The following ARHGAP20 variants were observed in gnomAD, a reference collection of about 807,000 sequenced individuals.
The protein encoded by ARHGAP20 is rho GTPase-activating protein 20.
In ARHGAP20, 34 loss-of-function variants were observed where a neutral mutation model predicts 73.7. The ratio of observed to expected loss-of-function variants is 0.46; its 90% CI spans 0.35 to 0.61. ARHGAP20 has a LOEUF of 0.61. Among genes scored for constraint, ARHGAP20 ranks in the 20% least tolerant of loss-of-function variants. ARHGAP20 has a pLI of 0.00. For missense variants in ARHGAP20, 1,314 were observed against 1,420.9 expected (o/e 0.92, Z 1.21); for synonymous variants, 523 against 518.2 (o/e 1.01, Z -0.13).
At chr11:110,618,512 G>A (rs1948536121) in intron 4 of ARHGAP20, among the ~76,000 whole-genome samples, 1 of 152,208 alleles carries the variant, frequency 6.6e-6, no homozygotes, top group East Asian at 1.9e-4. Flanking sequence ...AAATCAAGGT[G>A]CAGCACCTAT....
intron 7 of ARHGAP20, among the ~76,000 whole-genome samples, chr11:110,610,419 A>G (rs1183560861): frequency 1.3e-5 from 2 of 152,134 alleles, no homozygotes; most frequent in Non-Finnish European, 1.5e-5. Context: ...GTATTCTACA[A>G]TATTATTAAT....
chr11:110,666,490 A>C (rs999732988), intron 2 of ARHGAP20, among the ~76,000 whole-genome samples: 2 of 152,244 alleles, frequency 1.3e-5, no homozygotes, highest in African/African-American at 4.8e-5. Context: ...TCATATTGGC[A>C]TGAAGAACAG....
intron 2 of ARHGAP20, among the ~76,000 whole-genome samples, chr11:110,656,981 A>C (rs574549331): frequency 3.3e-4 from 51 of 152,300 alleles, no homozygotes; most frequent in African/African-American, 1.2e-3. Context: ...AAAACAGTTT[A>C]TGTATCTTAT....
chr11:110,667,568 T>C (rs1377897125), intron 2 of ARHGAP20, among the ~76,000 whole-genome samples: 2 of 152,194 alleles, frequency 1.3e-5, no homozygotes, highest in South Asian at 2.1e-4. Context: ...GCTAACAAAA[T>C]ATCCACTCTG....
At chr11:110,707,923 T>C in intron 1 of ARHGAP20, among the ~76,000 whole-genome samples, 1 of 151,430 alleles carries the variant, frequency 6.6e-6, no homozygotes. Context: ...ACTAGACACA[T>C]GTGGCTCTTT....
At chr11:110,620,245 G>A (rs1433876784) in intron 4 of ARHGAP20, among the ~76,000 whole-genome samples, 1 of 151,996 alleles carries the variant, frequency 6.6e-6, no homozygotes, top group Non-Finnish European at 1.5e-5. Flanking sequence ...CAGGTCTATG[G>A]CCTCAAGCAA....
chr11:110,615,977 TTAACCTC>T (rs1426380638), intron 4 of ARHGAP20, among the ~76,000 whole-genome samples: 1 of 152,158 alleles, frequency 6.6e-6, no homozygotes, highest in Admixed American at 6.5e-5. Flanking sequence ...GGCAAGTCAT[TTAACCTC>T]TAAGCCTCAG....
At position 110,579,631 on chromosome 11, in the gene ARHGAP20, C is replaced by G. The variant is rs377207066; in HGVS notation, c.3315G>C (p.Gln1105His). 5 of 1,614,228 alleles carry G rather than the reference C, an allele frequency of 3.1e-6. No homozygotes were observed. The South Asian group carries it at 4.4e-5, about 14-fold the overall frequency. ...GAGAAGAACTACACCTTTGGGCTGACTGCACAGGGGACAGTCCTTCAGCTG... is the reference window on the plus strand; with the variant it reads ...GAGAAGAACTACACCTTTGGGCTGAGTGCACAGGGGACAGTCCTTCAGCTG... ...LRAAEGLSPVQSAQRCSSSPF... is the reference protein window; with the variant it reads ...LRAAEGLSPVHSAQRCSSSPF... The change falls in exon 15 of 15, where the codon CAG becomes CAC. Residue 1105 changes from glutamine to histidine, a missense_variant. Gln to His is a conservative substitution (Grantham distance 24). Around this residue, in one of 3 missense-constraint regions of ARHGAP20, gnomAD observed 641 missense variants for 636.9 expected, o/e 1.01. Coordinates refer to ENST00000683387, the MANE Select transcript of ARHGAP20 (RefSeq NM_001384657.1).
At chr11:110,660,286 G>T (rs1353758696) in intron 2 of ARHGAP20, among the ~76,000 whole-genome samples, 1 of 152,070 alleles carries the variant, frequency 6.6e-6, no homozygotes, top group Admixed American at 6.6e-5. Context: ...ACTACCCTAG[G>T]AAGCTTTTGT....
rs1312298454 is a variant in ARHGAP20, at chr11:110,580,721, T to C, written c.2225A>G (p.Tyr742Cys). Residue 742 changes from tyrosine to cysteine, a missense_variant, in exon 15 of 15, where the codon TAT becomes TGT. Physicochemically the swap from Tyr to Cys is radical, Grantham distance 194 (BLOSUM62 -2). Transcript: ENST00000683387. ...CTGGAGGGGTTGATTCTGCTTCAGA[T>C]AGTCTTCATCTTTTTGAGAAAGAAT... is the stretch of plus-strand genomic sequence containing the variant. ...DAILSQKDED[Y>C]LKQNQPLQEE... The C allele has an allele frequency of 1.9e-6, 3 of 1,614,106 alleles. No homozygotes were observed. Among genetic ancestry groups the C allele is most frequent in the Admixed American group, 1.7e-5 (1 of 60,022 alleles).
At chr11:110,660,299 TCA>T (rs1037907638) in intron 2 of ARHGAP20, among the ~76,000 whole-genome samples, 8 of 152,116 alleles carry the variant, frequency 5.3e-5, no homozygotes, top group Non-Finnish European at 1.2e-4. Context: ...GCTTTTGTTT[TCA>T]CAGAGTGGTG....
intron 2 of ARHGAP20, among the ~76,000 whole-genome samples, chr11:110,636,100 A>C (rs1948961675): frequency 6.6e-6 from 1 of 152,150 alleles, no homozygotes; most frequent in South Asian, 2.1e-4. Context: ...ATCAGATTGC[A>C]GTATGGCTTA....
At chr11:110,589,278 AG>A (rs1947759148) in intron 11 of ARHGAP20, 1 of 395,548 alleles carries the variant, frequency 2.5e-6, no homozygotes, top group East Asian at 1.6e-4. Context: ...AAAACAGATG[AG>A]GTGACCTTAG....
At chr11:110,683,963 C>A (rs1950084139) in intron 2 of ARHGAP20, among the ~76,000 whole-genome samples, 1 of 152,168 alleles carries the variant, frequency 6.6e-6, no homozygotes, top group South Asian at 2.1e-4. Context: ...TACAAGGGAG[C>A]TGTTTGCCCC....
At chr11:110,629,645 A>G (rs750263272) in intron 3 of ARHGAP20, among the ~76,000 whole-genome samples, 29 of 152,196 alleles carry the variant, frequency 1.9e-4, no homozygotes, top group Non-Finnish European at 3.7e-4. Flanking sequence ...AAAATGTATA[A>G]AAACAGTTCA....
intron 2 of ARHGAP20, among the ~76,000 whole-genome samples, chr11:110,677,661 TAAAC>T (rs1324258118): frequency 2.6e-5 from 4 of 151,776 alleles, no homozygotes; most frequent in African/African-American, 2.4e-5. Context: ...AACAAACAAA[TAAAC>T]AAACCCCACA....
chr11:110,653,425 A>G (rs1198792173), intron 2 of ARHGAP20, among the ~76,000 whole-genome samples: 3 of 152,204 alleles, frequency 2.0e-5, no homozygotes, highest in Non-Finnish European at 4.4e-5. Flanking sequence ...ATAAACAGAC[A>G]CTTCTCAAAA....
intron 2 of ARHGAP20, among the ~76,000 whole-genome samples, chr11:110,678,484 A>T (rs1949976313): frequency 6.6e-6 from 1 of 152,174 alleles, no homozygotes; most frequent in African/African-American, 2.4e-5. Context: ...CTGGAATAGC[A>T]TCTGTTTCCA....
chr11:110,690,995 T>C, intron 1 of ARHGAP20: 3 of 1,528,072 alleles, frequency 2.0e-6, no homozygotes, highest in Non-Finnish European at 2.6e-6. Context: ...ATCCAAAATG[T>C]CATCCGGGTA....
Sources: gnomAD v4.1 joint callset for allele counts (sites outside exome capture counted in the v4.1 genomes callset) on GRCh38, gnomAD v4.1.1 for gene constraint, gnomAD v4.1.1 regional missense constraint, MANE v1.5 for transcripts, NCBI Gene and HGNC (gene_info 2026-07-23, HGNC 2026-07-21) for gene names.